The following SCN9A variants were observed in gnomAD, a reference collection of about 807,000 sequenced individuals.
The protein encoded by SCN9A is sodium voltage-gated channel alpha subunit 9.
A neutral mutation model predicts 187.0 loss-of-function variants in SCN9A; 131 were observed. The observed-to-expected ratio is 0.70, with a 90% CI of 0.61 to 0.81. The LOEUF is 0.81. Among genes scored for constraint, SCN9A ranks in the 30% least tolerant of loss-of-function variants. SCN9A has a pLI of 0.00. For missense variants in SCN9A, 2,252 were observed against 2,396.6 expected (o/e 0.94, Z 1.26); for synonymous variants, 809 against 808.6 (o/e 1.00, Z -0.01).
chr2:166,366,213 G>C (rs1202764476), intron 1 of SCN9A, among the ~76,000 whole-genome samples: 2 of 152,130 alleles, frequency 1.3e-5, no homozygotes, highest in African/African-American at 4.8e-5. Flanking sequence ...GGAAATTTCA[G>C]CTTTAACTTT....
chr2:166,303,206 A>G lies in SCN9A; in HGVS notation c.785T>C (p.Ile262Thr), dbSNP rs576712624. 7.4e-6 allele frequency: 12 copies of G among 1,613,780 alleles called. No homozygotes were observed. In the East Asian group the frequency reaches 1.3e-4, roughly 18 times the overall value. ...TVFCLSVFALIGLQLFMGNLK... is the reference protein window; with the variant it reads ...TVFCLSVFALTGLQLFMGNLK... ...GTTTCCCATGAACAGCTGTAGTCCA[A>G]TTAGTGCAAACACACTCAGACAGAA... The change falls in exon 7 of 27, where the codon ATT becomes ACT. Residue 262 changes from isoleucine (I) to threonine (T), a missense_variant. Ile to Thr is a moderately conservative substitution (Grantham distance 89). Coordinates refer to ENST00000642356, the MANE Select transcript of SCN9A (RefSeq NM_001365536.1).
At chr2:166,359,961 C>A (rs1700238249) in intron 1 of SCN9A, among the ~76,000 whole-genome samples, 1 of 151,576 alleles carries the variant, frequency 6.6e-6, no homozygotes, top group Non-Finnish European at 1.5e-5. Flanking sequence ...GTGGCTCACG[C>A]CTATAATCCC....
chr2:166,308,532 T>C (rs6715367), intron 2 of SCN9A, among the ~76,000 whole-genome samples: 95,930 of 152,014 alleles, frequency 0.63, 30,819 homozygotes, highest in African/African-American at 0.72. Flanking sequence ...TTGTAAGTTT[T>C]CTGAGGCCTC....
intron 21 of SCN9A, among the ~76,000 whole-genome samples, chr2:166,229,736 C>T (rs2106389212): frequency 6.6e-6 from 1 of 152,224 alleles, no homozygotes; most frequent in Non-Finnish European, 1.5e-5. Context: ...TTTCTTTAAT[C>T]CTTTCTTTAT....
Position 166,222,196 on chromosome 2 carries a change from A to G in SCN9A, c.4398+4371T>C, listed in dbSNP as rs184905219. Among the ~76,000 whole-genome samples, 41 of 152,354 alleles carry G rather than the reference A, an allele frequency of 2.7e-4. No individual in the cohort carries two copies. The East Asian group carries it at 6.0e-3, about 22-fold the overall frequency. ...AAAGCAACCTATAGAATGGGAGAAA[A>G]TATTTCCAACTATATATCTAATAAA... On this transcript the variant is annotated intron_variant, in intron 24 of 26. Coordinates refer to ENST00000642356, the MANE Select transcript of SCN9A (RefSeq NM_001365536.1).
intron 1 of SCN9A, among the ~76,000 whole-genome samples, chr2:166,334,567 C>T (rs547975937): frequency 1.3e-5 from 2 of 152,124 alleles, no homozygotes; most frequent in African/African-American, 2.4e-5. Context: ...ATCTGGAAGG[C>T]GTGTTACAAT....
At chr2:166,341,701 T>C (rs1273192055) in intron 1 of SCN9A, among the ~76,000 whole-genome samples, 3 of 152,142 alleles carry the variant, frequency 2.0e-5, no homozygotes. Context: ...GTCTGGGAGA[T>C]TTCCTATAAT....
intron 19 of SCN9A, among the ~76,000 whole-genome samples, chr2:166,240,862 G>A (rs933066314): frequency 2.6e-5 from 4 of 152,140 alleles, no homozygotes; most frequent in Non-Finnish European, 5.9e-5. Flanking sequence ...ACAAAGAGCA[G>A]GGTTGCTTAT....
chr2:166,349,844 T>C (rs1699991276), intron 1 of SCN9A, among the ~76,000 whole-genome samples: 2 of 151,996 alleles, frequency 1.3e-5, no homozygotes, highest in Admixed American at 1.3e-4. Flanking sequence ...TGGTGGGGCA[T>C]GCCTGTAATC....
At chr2:166,370,214 A>ATC (rs1553507677) in intron 1 of SCN9A, among the ~76,000 whole-genome samples, 3,174 of 92,790 alleles carry the variant, frequency 0.034, 53 homozygotes, top group Non-Finnish European at 0.045. Flanking sequence ...TAATAATAAT[A>ATC]ATAATAATAA....
chr2:166,284,638 G>T lies in SCN9A; in HGVS notation c.1789C>A (p.Arg597=). 6.2e-7 allele frequency: 1 copy of T among 1,613,966 alleles called. No homozygotes were observed. The highest frequency in any genetic ancestry group is 2.2e-5 in the East Asian group (1 of 44,880). Reference sequence around the variant, plus strand: ...GCTTGGCTGATGTTACTGCTGCGTCGCTCCTGGGGTCTGTGGGGCACAAAC... The same window carrying T: ...GCTTGGCTGATGTTACTGCTGCGTCTCTCCTGGGGTCTGTGGGGCACAAAC... ...SLFVPHRPQE[R]RSSNISQASR... is the part of the protein sequence containing the mutation. The change falls in exon 12 of 27, where the codon CGA becomes AGA. Residue 597 remains arginine (R), a synonymous_variant. Coordinates refer to ENST00000642356, the MANE Select transcript of SCN9A (RefSeq NM_001365536.1).
At chr2:166,367,323 C>T (rs1431265514) in intron 1 of SCN9A, among the ~76,000 whole-genome samples, 1 of 152,116 alleles carries the variant, frequency 6.6e-6, no homozygotes, top group African/African-American at 2.4e-5. Flanking sequence ...AGTGCAGTGG[C>T]TCGATCTCAG....
intron 24 of SCN9A, among the ~76,000 whole-genome samples, chr2:166,206,470 C>T (rs1230327596): frequency 2.0e-5 from 3 of 152,032 alleles, no homozygotes. Context: ...ACAATGAGAA[C>T]ACATGGACAC....
Position 166,311,802 on chromosome 2 carries a change from G to C in SCN9A, c.-46C>G. 1.3e-6 allele frequency: 2 copies of C among 1,520,366 alleles called. No homozygotes were observed. The highest frequency in any genetic ancestry group is 8.9e-7 in the Non-Finnish European group (1 of 1,129,330). 94.2% of individuals were successfully genotyped at this position (1,520,366 alleles called of 1,614,324 possible). ...AATTCCTCTTCAGCTCCTCACATAA[G>C]AGGCCTGGATGGAAACAAAGAAATA... On this transcript the variant is annotated 5_prime_UTR_variant, in exon 2 of 27. Transcript: ENST00000642356.
At chr2:166,204,890 T>C (rs958638725) in intron 24 of SCN9A, 4 of 152,744 alleles carry the variant, frequency 2.6e-5, no homozygotes, top group Non-Finnish European at 5.8e-5. Context: ...AGCCAAATCA[T>C]GAGTGAACTC....
intron 20 of SCN9A, among the ~76,000 whole-genome samples, chr2:166,236,545 T>A (rs1268764299): frequency 1.1e-4 from 16 of 152,050 alleles, no homozygotes; most frequent in Non-Finnish European, 1.9e-4. Context: ...CTCAGCCTCC[T>A]GAGTAGCTGG....
intron 21 of SCN9A, 133 bp from the exon 22 acceptor site, chr2:166,229,105 G>C (rs568380739): frequency 1.5e-6 from 1 of 647,208 alleles, no homozygotes; most frequent in Admixed American, 3.0e-5. Flanking sequence ...AAACCAACCA[G>C]CCGACTCATG....
chr2:166,363,732 A>G (rs897276202), intron 1 of SCN9A, among the ~76,000 whole-genome samples: 1 of 152,064 alleles, frequency 6.6e-6, no homozygotes, highest in African/African-American at 2.4e-5. Flanking sequence ...CGTCAGAGTT[A>G]GAACTGTAAA....
At chr2:166,286,292 G>A in intron 11 of SCN9A, 44 bp downstream of exon 11, 2 of 1,531,480 alleles carry the variant, frequency 1.3e-6, no homozygotes, top group South Asian at 1.3e-5. Context: ...TTTTTCTCTA[G>A]CATTCTGCCT....
Sources: allele counts gnomAD v4.1 joint callset (sites outside exome capture counted in the v4.1 genomes callset), GRCh38; gene constraint gnomAD v4.1.1; transcripts MANE v1.5; gene names NCBI Gene and HGNC (gene_info 2026-07-23, HGNC 2026-07-21).